Variants in OCRL observed in about 807,000 individuals in gnomAD.
OCRL encodes inositol polyphosphate 5-phosphatase OCRL.
In OCRL, 8 loss-of-function variants were observed where a neutral mutation model predicts 78.9. That is an observed-to-expected ratio of 0.10 (90% confidence interval 0.06 to 0.18). The LOEUF (loss-of-function observed/expected upper bound fraction) is 0.18. Ranked by LOEUF, OCRL falls within the 10% of genes least tolerant of loss-of-function variation. The pLI, the probability that OCRL is intolerant of heterozygous loss-of-function variation, is 1.00. For synonymous variants in OCRL, 240 were observed against 235.4 expected (o/e 1.02, Z -0.18); for missense variants, 454 against 696.7 (o/e 0.65, Z 3.92).
chrX:129,573,542 C>G (rs1936328957), intron 15 of OCRL, among the ~76,000 whole-genome samples: 1 of 111,428 alleles, frequency 9.0e-6, no homozygotes, highest in African/African-American at 3.3e-5. Flanking sequence ...CATCCATGTC[C>G]CTGCAAAGGA....
chrX:129,555,414 C>T (rs1936029849), intron 4 of OCRL, among the ~76,000 whole-genome samples: 2 of 111,539 alleles, frequency 1.8e-5, no homozygotes, highest in South Asian at 7.6e-4. Context: ...GACGAGGTTG[C>T]AGTGAGCCGA....
intron 22 of OCRL, chrX:129,589,450 C>A (rs1304417635): frequency 3.6e-6 from 1 of 274,530 alleles, no homozygotes; most frequent in African/African-American, 2.8e-5. Context: ...GAGAGGAGTC[C>A]CCATCCATGC....
At chrX:129,545,673 T>C (rs1244359350) in intron 3 of OCRL, among the ~76,000 whole-genome samples, 1 of 112,205 alleles carries the variant, frequency 8.9e-6, no homozygotes, top group Non-Finnish European at 1.9e-5. Context: ...CTCACATTGC[T>C]CTAGAAAGGA....
intron 4 of OCRL, among the ~76,000 whole-genome samples, chrX:129,555,934 G>T (rs1342947551): frequency 9.0e-6 from 1 of 111,383 alleles, no homozygotes; most frequent in African/African-American, 3.3e-5. Flanking sequence ...TATCTTCATG[G>T]CTGCTATAAT....
chrX:129,584,509 C>A (rs910801904), intron 19 of OCRL, 142 bp downstream of exon 19: 2 of 545,107 alleles, frequency 3.7e-6, no homozygotes, highest in Non-Finnish European at 6.5e-6. Context: ...GCCGGCTGTC[C>A]TTAAGTGTGT....
In OCRL at chrX:129,590,697, A is replaced by C; in HGVS notation, c.*427A>C. The C allele has an allele frequency of 5.5e-6, 1 of 180,452 alleles. No homozygotes were observed. Among genetic ancestry groups the C allele is most frequent in the Non-Finnish European group, 1.0e-5 (1 of 96,294 alleles). The allele number at this position is 180,452 out of a possible 1,213,427, so 14.9% of individuals were successfully genotyped here. A position where few individuals can be genotyped will look rare whatever the true frequency, so the allele number is the denominator to read the frequency against. ...GTCCTTTGTTTTGCACTTTTGACCC[A>C]CCCCTTCCTGGATCACTCCTTTGCA... On this transcript the variant is annotated 3_prime_UTR_variant, in exon 24 of 24. Coordinates refer to ENST00000371113, the MANE Select transcript of OCRL (RefSeq NM_000276.4).
In OCRL at chrX:129,576,465, C is replaced by G; in HGVS notation, c.2028C>G (p.Leu676=). 1 of 1,211,557 alleles carries G rather than the reference C, an allele frequency of 8.3e-7. No individual in the cohort carries two copies. Among genetic ancestry groups the G allele is most frequent in the East Asian group, 3.0e-5 (1 of 33,854 alleles). The change falls in exon 18 of 24, where the codon CTC becomes CTG. Residue 676 remains leucine, a synonymous_variant. Coordinates refer to ENST00000371113, the MANE Select transcript of OCRL (RefSeq NM_000276.4). ...DYFLTISGNY[L]PSCFGTSLEA... is the part of the protein sequence containing the mutation. ...TCTTGACTATCAGTGGAAATTACCT[C>G]CCAAGTTGTTTTGGCACATCCTTAG...
rs1038673402 is a variant in OCRL, at chrX:129,569,338, G to T, written c.1541G>T (p.Arg514Leu). The T allele has an allele frequency of 3.3e-6, 4 of 1,210,388 alleles. No homozygotes were observed. The highest frequency in any genetic ancestry group is 4.5e-6 in the Non-Finnish European group (4 of 894,290). ...RGTNVNQLNY[R>L]SHMELKTSDH... ...ACAAATGTTAATCAGCTTAATTATC[G>T]GAGTCACATGGAACTGAAAACCAGC... is the stretch of plus-strand genomic sequence containing the variant. The change falls in exon 15 of 24, where the codon CGG (arginine) becomes CTG (leucine). Residue 514 changes from arginine (R) to leucine (L), a missense_variant. By Grantham distance (102) the Arg-to-Leu change is moderately radical. Coordinates refer to ENST00000371113, the MANE Select transcript of OCRL (RefSeq NM_000276.4).
chrX:129,557,665 T>C (rs1569458695), intron 5 of OCRL, among the ~76,000 whole-genome samples, 196 bp from the exon 6 acceptor site: 1 of 111,524 alleles, frequency 9.0e-6, no homozygotes, highest in Non-Finnish European at 1.9e-5. Context: ...CAAGCACAGC[T>C]TACCATAGAC....
chrX:129,562,628 T>C lies in OCRL; in HGVS notation c.1086T>C (p.Phe362=). ...ACAAAGGTGGGGTAGCTGTGAGATT[T>C]GTATTTCACAACACCACCTTTTGCA... ...MGNKGGVAVR[F]VFHNTTFCIV... The change falls in exon 12 of 24, where the codon TTT becomes TTC. Residue 362 remains phenylalanine, a synonymous_variant. Coordinates refer to ENST00000371113, the MANE Select transcript of OCRL (RefSeq NM_000276.4). 1.7e-6 allele frequency: 2 copies of C among 1,211,579 alleles called. No individual in the cohort carries two copies. The highest frequency in any genetic ancestry group is 2.2e-6 in the Non-Finnish European group (2 of 895,150).
At chrX:129,542,837 C>G (rs7054346) in intron 2 of OCRL, among the ~76,000 whole-genome samples, 6,668 of 111,290 alleles carry the variant, frequency 0.06, 492 homozygotes, top group African/African-American at 0.2. Context: ...ACTCGAGTGT[C>G]CAGAACTTTT....
At chrX:129,577,912 C>T (rs996589706) in intron 18 of OCRL, among the ~76,000 whole-genome samples, 5 of 111,541 alleles carry the variant, frequency 4.5e-5, no homozygotes, top group African/African-American at 6.5e-5. Flanking sequence ...AGTTGTTTTT[C>T]TTATTTCTCC....
At chrX:129,576,175 A>T in intron 17 of OCRL, 113 bp downstream of exon 17, 1 of 937,929 alleles carries the variant, frequency 1.1e-6, no homozygotes, top group Non-Finnish European at 1.5e-6. Flanking sequence ...CATATTGGTG[A>T]TACCTCTGGT....
rs1936588280 is a variant in OCRL, at chrX:129,591,631, G to A, written c.*1361G>A. ...TGCCTGTTTACATTAATTGCAAGGA[G>A]CATAACGTACAGGCTGTATGTACAA... On this transcript the variant is annotated 3_prime_UTR_variant, in exon 24 of 24. Transcript: ENST00000371113. The A allele has an allele frequency of 9.0e-6, 1 of 111,518 alleles. No individual in the cohort carries two copies. Among genetic ancestry groups the A allele is most frequent in the Admixed American group, 9.5e-5 (1 of 10,485 alleles). The allele number at this position is 111,518 out of a possible 1,213,427, so 9.2% of individuals were successfully genotyped here.
intron 15 of OCRL, among the ~76,000 whole-genome samples, chrX:129,574,664 G>A (rs1936345247): frequency 8.9e-6 from 1 of 112,334 alleles, no homozygotes; most frequent in South Asian, 3.7e-4. Flanking sequence ...TTTTGACACT[G>A]TCATTTTGTA....
Position 129,591,641 on chromosome X carries a change from C to T in OCRL, c.*1371C>T, listed in dbSNP as rs1936588578. 1 of 111,377 alleles carries T rather than the reference C, an allele frequency of 9.0e-6. No homozygotes were observed. Among genetic ancestry groups the T allele is most frequent in the African/African-American group, 3.3e-5 (1 of 30,458 alleles). 9.2% of individuals were successfully genotyped at this position (111,377 alleles called of 1,213,427 possible). A position where few individuals can be genotyped will look rare whatever the true frequency, so the allele number is the denominator to read the frequency against. On this transcript the variant is annotated 3_prime_UTR_variant, in exon 24 of 24. Coordinates refer to ENST00000371113, the MANE Select transcript of OCRL (RefSeq NM_000276.4). Reference sequence around the variant, plus strand: ...CATTAATTGCAAGGAGCATAACGTACAGGCTGTATGTACAATCCTGGGCAT... The same window carrying T: ...CATTAATTGCAAGGAGCATAACGTATAGGCTGTATGTACAATCCTGGGCAT...
chrX:129,548,512 G>C lies in OCRL; in HGVS notation c.200-51G>C, dbSNP rs1935919135. 8 of 990,879 alleles carry C rather than the reference G, an allele frequency of 8.1e-6. No homozygotes were observed. In the East Asian group the frequency reaches 2.4e-4, roughly 30 times the overall value. The allele number at this position is 990,879 out of a possible 1,213,427, so 81.7% of individuals were successfully genotyped here. Reference sequence around the variant, plus strand: ...TTAGGCATGTATTCTTTTGGTTGTAGTGAGTGGTTTTCTCTTCCCTAATCC... The same window carrying C: ...TTAGGCATGTATTCTTTTGGTTGTACTGAGTGGTTTTCTCTTCCCTAATCC... On this transcript the variant is annotated intron_variant, in intron 3 of 23. Transcript: ENST00000371113.
chrX:129,569,276 G>A lies in OCRL; in HGVS notation c.1479G>A (p.Arg493=), dbSNP rs777338058. The A allele has an allele frequency of 5.0e-6, 6 of 1,211,185 alleles. No individual in the cohort carries two copies. In the South Asian group the frequency reaches 1.1e-4, roughly 21 times the overall value. Residue 493 remains arginine, a synonymous_variant, in exon 15 of 24, where the codon CGG becomes CGA. Coordinates refer to ENST00000371113, the MANE Select transcript of OCRL (RefSeq NM_000276.4). The stretch of plus-strand genomic sequence containing the variant: ...TCTTTACTTACAGTGGGAAATGCCG[G>A]GTTCCAGCCTGGTGTGACCGAATTC... The part of the protein sequence containing the change: ...TDRWDSSGKC[R]VPAWCDRILW...
intron 3 of OCRL, among the ~76,000 whole-genome samples, chrX:129,547,284 G>A (rs1215078747): frequency 9.1e-6 from 1 of 110,296 alleles, no homozygotes; most frequent in Non-Finnish European, 1.9e-5. Context: ...CCAGCACTTT[G>A]GGAGGCCAAG....
Sources: gnomAD v4.1 joint callset for allele counts (sites outside exome capture counted in the v4.1 genomes callset) on GRCh38, gnomAD v4.1.1 for gene constraint, MANE v1.5 for transcripts, NCBI Gene and HGNC (gene_info 2026-07-23, HGNC 2026-07-21) for gene names.